Variants in THSD7A observed in about 807,000 individuals in gnomAD.
THSD7A encodes thrombospondin type 1 domain containing 7A, also known as thrombospondin type-1 domain-containing protein 7A.
A neutral mutation model predicts 231.3 loss-of-function variants in THSD7A; 96 were observed. The observed-to-expected ratio is 0.41, with a 90% CI of 0.35 to 0.49. The LOEUF (loss-of-function observed/expected upper bound fraction) is 0.49. Ranked by LOEUF, THSD7A falls within the 20% of genes least tolerant of loss-of-function variation. The pLI is 0.05. For missense variants in THSD7A, 2,290 were observed against 2,070.2 expected (o/e 1.11, Z -2.06); for synonymous variants, 940 against 743.3 (o/e 1.26, Z -4.30).
At chr7:11,738,206 C>T (rs1781980800) in intron 1 of THSD7A, among the ~76,000 whole-genome samples, 1 of 151,874 alleles carries the variant, frequency 6.6e-6, no homozygotes, top group Admixed American at 6.6e-5. Flanking sequence ...AATATTGGCA[C>T]TATATTGATT....
In THSD7A at chr7:11,744,513, A is replaced by G. The variant is rs190108120; in HGVS notation, c.190+87244T>C. Among the ~76,000 whole-genome samples, 67 of 151,902 alleles carry G rather than the reference A, an allele frequency of 4.4e-4. 1 individual carries two copies. Among genetic ancestry groups the G allele is most frequent in the Admixed American group, 4.4e-3 (67 of 15,234 alleles). ...ATGTGCAGGTTTGTTACATATGTATACATGTGCCATGTTGGTGTGCTGCAC... is the reference window on the plus strand; with the variant it reads ...ATGTGCAGGTTTGTTACATATGTATGCATGTGCCATGTTGGTGTGCTGCAC... On this transcript the variant is annotated intron_variant, in intron 1 of 27. Coordinates refer to ENST00000423059, the MANE Select transcript of THSD7A (RefSeq NM_015204.3).
At chr7:11,561,067 TAGCTGAGAA>T (rs1274016123) in intron 4 of THSD7A, among the ~76,000 whole-genome samples, 9 of 152,114 alleles carry the variant, frequency 5.9e-5, no homozygotes, top group Non-Finnish European at 4.4e-5. Context: ...CTCAATTACA[TAGCTGAGAA>T]AGTATAGATT....
Position 11,406,572 on chromosome 7 carries a change from A to T in THSD7A, c.4063-98T>A. ...TCTGCACCACTGACTTTGATTTATG[A>T]ACATTTAGAGAAGGATTTGAAACCC... On this transcript the variant is annotated intron_variant, in intron 21 of 27. Transcript: ENST00000423059. The surrounding 1 kb of genome is among the most constrained non-coding windows in gnomAD (Gnocchi z 4.7). 1 of 1,295,118 alleles carries T rather than the reference A, an allele frequency of 7.7e-7. No homozygotes were observed. The highest frequency in any genetic ancestry group is 1.0e-6 in the Non-Finnish European group (1 of 960,642). The allele number at this position is 1,295,118 out of a possible 1,614,324, so 80.2% of individuals were successfully genotyped here.
chr7:11,755,439 G>A (rs1782640241), intron 1 of THSD7A, among the ~76,000 whole-genome samples: 1 of 151,986 alleles, frequency 6.6e-6, no homozygotes, highest in Non-Finnish European at 1.5e-5. Flanking sequence ...CTCCATGATT[G>A]GACACTACAA....
intron 1 of THSD7A, among the ~76,000 whole-genome samples, chr7:11,781,099 T>C (rs187240257): frequency 7.0e-6 from 1 of 142,080 alleles, no homozygotes; most frequent in Non-Finnish European, 1.5e-5. Context: ...ACATGCTGGG[T>C]ATGAGCCAAT....
intron 6 of THSD7A, among the ~76,000 whole-genome samples, chr7:11,493,096 TA>T (rs1786965945): frequency 6.6e-6 from 1 of 152,158 alleles, no homozygotes; most frequent in African/African-American, 2.4e-5. Flanking sequence ...GTCTCAGCGT[TA>T]TTAACATTTG....
chr7:11,546,140 C>T (rs1022763716), intron 4 of THSD7A, among the ~76,000 whole-genome samples: 1 of 147,342 alleles, frequency 6.8e-6, no homozygotes, highest in South Asian at 2.1e-4. Flanking sequence ...GCAGCCTTCC[C>T]CAACCATTGT....
intron 1 of THSD7A, among the ~76,000 whole-genome samples, chr7:11,829,848 T>C (rs1433338587): frequency 1.3e-5 from 2 of 151,860 alleles, no homozygotes; most frequent in Non-Finnish European, 2.9e-5. Context: ...TCCAATTGAA[T>C]GAACTATTTT....
intron 17 of THSD7A, among the ~76,000 whole-genome samples, chr7:11,414,637 A>T (rs1347596576): frequency 1.3e-5 from 2 of 152,212 alleles, no homozygotes; most frequent in Non-Finnish European, 2.9e-5. Context: ...ACATCTAAAA[A>T]GACTGGCTTG....
chr7:11,568,656 C>CAAAA lies in THSD7A; in HGVS notation c.1453+21800_1453+21803dup, dbSNP rs1562728058. 5.9e-3 allele frequency among the ~76,000 whole-genome samples: 526 copies of CAAAA among 88,594 alleles called. 36 individuals carry two copies. Among genetic ancestry groups the CAAAA allele is most frequent in the Non-Finnish European group, 8.1e-3 (372 of 45,744 alleles). 58.1% of individuals were successfully genotyped at this position (88,594 alleles called of 152,430 possible). A position where few individuals can be genotyped will look rare whatever the true frequency, so the allele number is the denominator to read the frequency against. Reference sequence around the variant, plus strand: ...AAAAAAAAAAAAAAAAAAAAAAAACCAAAATCTGGAACAAGGTAAAGATGA... The same window carrying CAAAA: ...AAAAAAAAAAAAAAAAAAAAAAAACCAAAAAAAATCTGGAACAAGGTAAAGATGA... On this transcript the variant is annotated intron_variant, in intron 4 of 27. Transcript: ENST00000423059.
intron 4 of THSD7A, among the ~76,000 whole-genome samples, chr7:11,545,239 T>A (rs1414767736): frequency 2.0e-5 from 3 of 152,132 alleles, no homozygotes; most frequent in Non-Finnish European, 4.4e-5. Flanking sequence ...AAAATCTCCA[T>A]TTTTTCCTTC....
At position 11,610,707 on chromosome 7, in the gene THSD7A, A is replaced by G. The variant is rs1780894182; in HGVS notation, c.1023-17205T>C. On this transcript the variant is annotated intron_variant, in intron 2 of 27. Transcript: ENST00000423059. The stretch of plus-strand genomic sequence containing the variant: ...CAAAGGCTCAAGGAAGAAACAAAGA[A>G]ACTCAGAAATAGGTCTTAAAAAACC... Among the ~76,000 whole-genome samples the G allele has an allele frequency of 5.3e-5, 8 of 152,142 alleles. 1 individual carries two copies. Among genetic ancestry groups the G allele is most frequent in the Admixed American group, 4.6e-4 (7 of 15,268 alleles).
At chr7:11,559,356 A>T (rs4278065) in intron 4 of THSD7A, among the ~76,000 whole-genome samples, 1 of 151,582 alleles carries the variant, frequency 6.6e-6, no homozygotes, top group Admixed American at 6.6e-5. Context: ...AGTTATAAAT[A>T]ATTGCAAGAT....
At chr7:11,621,411 TTA>T (rs1378755749) in intron 2 of THSD7A, among the ~76,000 whole-genome samples, 1 of 152,196 alleles carries the variant, frequency 6.6e-6, no homozygotes, top group Non-Finnish European at 1.5e-5. Context: ...GATATAAACT[TTA>T]TATGAGTTTA....
At chr7:11,574,110 G>T (rs531169636) in intron 4 of THSD7A, among the ~76,000 whole-genome samples, 11 of 152,098 alleles carry the variant, frequency 7.2e-5, no homozygotes, top group Non-Finnish European at 1.5e-4. Flanking sequence ...AAAATTTTGG[G>T]CTAGATATAT....
rs1044425587 is a variant in THSD7A, at chr7:11,375,597, G to A, written c.*197C>T. ...CAGCTAAATCTCCTATAATTCTCAC[G>A]GTTGATGGTCTGTATATAAGTGGTA... On this transcript the variant is annotated 3_prime_UTR_variant, in exon 28 of 28. Transcript: ENST00000423059. 7.5e-6 allele frequency: 3 copies of A among 398,918 alleles called. No individual in the cohort carries two copies. The highest frequency in any genetic ancestry group is 8.6e-5 in the Admixed American group (2 of 23,358). 24.7% of individuals were successfully genotyped at this position (398,918 alleles called of 1,614,324 possible).
chr7:11,524,543 C>T (rs988580069), intron 6 of THSD7A, among the ~76,000 whole-genome samples: 11 of 152,106 alleles, frequency 7.2e-5, no homozygotes, highest in South Asian at 2.1e-4. Context: ...TTTAAAAGAC[C>T]GATGAACATT....
rs1381086647 is a variant in THSD7A, at chr7:11,506,547, T to C, written c.1823-24565A>G. 3.3e-5 allele frequency among the ~76,000 whole-genome samples: 5 copies of C among 152,206 alleles called. No individual in the cohort carries two copies. In the East Asian group the frequency reaches 9.6e-4, roughly 29 times the overall value. ...ACATAGTTCAGATCACAACATTCTC[T>C]GTGGAAACCTTCCAGTGGCTTTCCA... On this transcript the variant is annotated intron_variant, in intron 6 of 27. Transcript: ENST00000423059.
In THSD7A at chr7:11,406,988, C is replaced by G. The variant is rs370878985; in HGVS notation, c.3984G>C (p.Leu1328=). The change falls in exon 21 of 28, where the codon CTG becomes CTC. Residue 1328 remains leucine, a synonymous_variant. Transcript: ENST00000423059. The surrounding 1 kb of genome is among the most constrained non-coding windows in gnomAD (Gnocchi z 4.7). ...FQGDGRPCPS[L]MDQSKPCPVK... The stretch of plus-strand genomic sequence containing the variant: ...CTGGGCAGGGTTTGGACTGGTCCAT[C>G]AGGGAAGGGCATGGTCTTCCATCAC... The G allele has an allele frequency of 1.9e-5, 30 of 1,613,760 alleles. No individual in the cohort carries two copies. Among genetic ancestry groups the G allele is most frequent in the Non-Finnish European group, 2.5e-5 (29 of 1,179,854 alleles).
Sources: allele counts gnomAD v4.1 joint callset (sites outside exome capture counted in the v4.1 genomes callset), GRCh38; gene constraint gnomAD v4.1.1; non-coding constraint Gnocchi (gnomAD v3.1); transcripts MANE v1.5; gene names NCBI Gene and HGNC (gene_info 2026-07-23, HGNC 2026-07-21).